Variants in GGNBP2 observed in about 807,000 individuals in gnomAD.
GGNBP2 encodes gametogenetin-binding protein 2.
GGNBP2 carries 10 observed loss-of-function variants against 85.9 expected under a neutral mutation model. The ratio of observed to expected loss-of-function variants is 0.12; its 90% CI spans 0.07 to 0.20. The LOEUF is 0.20. Ranked by LOEUF, GGNBP2 falls within the 10% of genes least tolerant of loss-of-function variation. The probability of loss-of-function intolerance (pLI) is 1.00; values close to 1 mark genes in which losing one functional copy is unlikely to be tolerated. For missense variants in GGNBP2, 595 were observed against 857.8 expected, an observed-to-expected ratio of 0.69 and a Z score of 3.83; for synonymous variants, 287 against 285.7, an observed-to-expected ratio of 1.00 and a Z score of -0.05.
chr17:36,578,025 T>A lies in GGNBP2; in HGVS notation c.684T>A (p.Asn228Lys). The change falls in exon 7 of 14, where the codon AAT becomes AAA. Residue 228 changes from asparagine to lysine, a missense_variant. By Grantham distance (94) the Asn-to-Lys change is moderately conservative. This residue lies in a region of GGNBP2 where 216 missense variants were observed against 293.4 expected (regional missense o/e 0.74). Transcript: ENST00000613102. ...AAAATAAAGTCCTCCGAGCATACAA[T>A]ATCCTTATTGGTGAACTTGACTGCA... ...DCKNKVLRAY[N>K]ILIGELDCSK... 6.2e-7 allele frequency: 1 copy of A among 1,614,200 alleles called. No homozygotes were observed. The highest frequency in any genetic ancestry group is 8.5e-7 in the Non-Finnish European group (1 of 1,180,028).
intron 6 of GGNBP2, among the ~76,000 whole-genome samples, chr17:36,572,869 CTTCT>C (rs2074540350): frequency 6.6e-6 from 1 of 152,062 alleles, no homozygotes. Flanking sequence ...AACCACAATT[CTTCT>C]TTCTGTTTCT....
chr17:36,545,758 G>A lies in GGNBP2; in HGVS notation c.34G>A (p.Glu12Lys). 1 of 1,584,174 alleles carries A rather than the reference G, an allele frequency of 6.3e-7. No homozygotes were observed. The highest frequency in any genetic ancestry group is 8.6e-7 in the Non-Finnish European group (1 of 1,165,786). Reference sequence around the variant, plus strand: ...ACTCGTGGCAGTGTGCAGGGACGGGGAGGAGGAGTTCCCCTTCGAGAGGAG... The same window carrying A: ...ACTCGTGGCAGTGTGCAGGGACGGGAAGGAGGAGTTCCCCTTCGAGAGGAG... ...ARLVAVCRDGEEEFPFERRQI... is the reference protein window; with the variant it reads ...ARLVAVCRDGKEEFPFERRQI... The change falls in exon 2 of 14, where the codon GAG becomes AAG. Residue 12 changes from glutamate to lysine, a missense_variant. Physicochemically the swap from Glu to Lys is moderately conservative, Grantham distance 56. Transcript: ENST00000613102.
chr17:36,578,387 G>T (rs903456443), intron 7 of GGNBP2: 2 of 507,572 alleles, frequency 3.9e-6, no homozygotes, highest in Non-Finnish European at 6.9e-6. Context: ...CTGGTGTTTG[G>T]TTCAGTCCTC....
chr17:36,576,774 C>T (rs1176222293), intron 6 of GGNBP2: 2 of 151,242 alleles, frequency 1.3e-5, no homozygotes, highest in South Asian at 2.1e-4. Flanking sequence ...GTTGGCTCTA[C>T]TCAATAGGAA....
intron 7 of GGNBP2, 127 bp from the exon 8 acceptor site, chr17:36,579,118 G>A: frequency 1.4e-6 from 1 of 713,810 alleles, no homozygotes. Context: ...TATACGTTGA[G>A]TGTAAATGTA....
intron 4 of GGNBP2, among the ~76,000 whole-genome samples, chr17:36,557,784 G>C (rs1042898403): frequency 6.6e-6 from 1 of 152,162 alleles, no homozygotes; most frequent in Non-Finnish European, 1.5e-5. Flanking sequence ...GCTGGAGCCA[G>C]ATGAATGAAG....
At chr17:36,578,270 C>T (rs2074611400) in intron 7 of GGNBP2, 84 bp downstream of exon 7, 1 of 1,010,594 alleles carries the variant, frequency 9.9e-7, no homozygotes, top group African/African-American at 1.6e-5. Context: ...TCACCTTCTG[C>T]CTCAGTACAT....
intron 6 of GGNBP2, among the ~76,000 whole-genome samples, chr17:36,569,981 G>A (rs2074507137): frequency 6.6e-6 from 1 of 152,130 alleles, no homozygotes; most frequent in Non-Finnish European, 1.5e-5. Context: ...TAATAATTAA[G>A]GCAGTGAGTG....
intron 10 of GGNBP2, 132 bp from the exon 11 acceptor site, chr17:36,585,708 C>A (rs748381430): frequency 1.3e-6 from 1 of 752,590 alleles, no homozygotes; most frequent in Non-Finnish European, 2.0e-6. Context: ...AAAAAAAATC[C>A]TTCATTGGAA....
chr17:36,568,389 C>T (rs895862416), intron 6 of GGNBP2, among the ~76,000 whole-genome samples: 4 of 152,116 alleles, frequency 2.6e-5, no homozygotes, highest in African/African-American at 4.8e-5. Context: ...CTCCGCCTCC[C>T]GCGTTCCAGC....
chr17:36,566,980 A>G (rs2074474859), intron 5 of GGNBP2, among the ~76,000 whole-genome samples: 1 of 152,102 alleles, frequency 6.6e-6, no homozygotes, highest in Non-Finnish European at 1.5e-5. Flanking sequence ...AGGCTGGGCA[A>G]CATAGTAGAG....
intron 5 of GGNBP2, among the ~76,000 whole-genome samples, chr17:36,566,537 G>C (rs950491221): frequency 6.6e-6 from 1 of 151,912 alleles, no homozygotes; most frequent in Non-Finnish European, 1.5e-5. Context: ...AAAATAACCT[G>C]GTGTGGTGGT....
rs767512792 is a variant in GGNBP2, at chr17:36,569,881, GT to G, written c.641+2108del. Among the ~76,000 whole-genome samples the G allele has an allele frequency of 2.2e-4, 34 of 152,288 alleles. No homozygotes were observed. In the Middle Eastern group the frequency reaches 0.014, roughly 61 times the overall value. ...ATAATGGTTTTGTAGATTTTCCTAT[GT>G]TTAGGGTTAGTGTTTTAACATTTTT... On this transcript the variant is annotated intron_variant, in intron 6 of 13. Transcript: ENST00000613102.
intron 6 of GGNBP2, chr17:36,575,389 TAGCC>T (rs969966433): frequency 1.8e-4 from 49 of 278,910 alleles, no homozygotes; most frequent in Admixed American, 1.2e-3. Context: ...TTTGGTGTCA[TAGCC>T]AGGAAATCAT....
At chr17:36,560,080 C>CG (rs1187209357) in intron 4 of GGNBP2, among the ~76,000 whole-genome samples, 2 of 152,188 alleles carry the variant, frequency 1.3e-5, no homozygotes, top group African/African-American at 4.8e-5. Flanking sequence ...CTCAGTCTCC[C>CG]AAAGTGCTGG....
intron 6 of GGNBP2, among the ~76,000 whole-genome samples, chr17:36,575,625 TA>T (rs2074569561): frequency 4.7e-5 from 3 of 64,378 alleles, no homozygotes; most frequent in Non-Finnish European, 7.8e-5. Context: ...TATATATATA[TA>T]TATATATATA....
intron 6 of GGNBP2, among the ~76,000 whole-genome samples, chr17:36,571,490 G>A (rs765355136): frequency 1.8e-4 from 27 of 151,884 alleles, no homozygotes; most frequent in South Asian, 1.0e-3. Flanking sequence ...TGGAGGTTGC[G>A]GTGAGCCAAG....
At chr17:36,545,598 C>G (rs980378273) in intron 1 of GGNBP2, 21 bp from the exon 2 acceptor site, 1 of 694,334 alleles carries the variant, frequency 1.4e-6, no homozygotes, top group African/African-American at 1.8e-5. Context: ...TGCTTACGCT[C>G]GCGGGGTTTG....
intron 10 of GGNBP2, 136 bp downstream of exon 10, chr17:36,585,586 T>A: frequency 1.5e-6 from 1 of 675,256 alleles, no homozygotes; most frequent in Non-Finnish European, 2.4e-6. Context: ...TATAATTTAG[T>A]CAGATACTTA....
Sources: allele counts gnomAD v4.1 joint callset (sites outside exome capture counted in the v4.1 genomes callset), GRCh38; gene constraint gnomAD v4.1.1; regional missense constraint gnomAD v4.1.1; transcripts MANE v1.5; gene names NCBI Gene and HGNC (gene_info 2026-07-23, HGNC 2026-07-21).